Variants in INPP5D observed in about 807,000 individuals in gnomAD.
The protein encoded by INPP5D is phosphatidylinositol 3,4,5-trisphosphate 5-phosphatase 1.
INPP5D carries 33 observed loss-of-function variants against 122.9 expected under a neutral mutation model. That is an observed-to-expected ratio of 0.27 (90% CI 0.20 to 0.36). INPP5D has a LOEUF of 0.36. Among genes scored for constraint, INPP5D ranks in the 10% least tolerant of loss-of-function variants. The pLI is 1.00. For missense variants in INPP5D, 1,053 were observed against 1,412.7 expected (o/e 0.75, Z 4.08); for synonymous variants, 584 against 576.2 (o/e 1.01, Z -0.19).
chr2:233,186,093 C>T (rs888807077), intron 21 of INPP5D, among the ~76,000 whole-genome samples, 168 bp downstream of exon 21: 1 of 152,148 alleles, frequency 6.6e-6, no homozygotes, highest in South Asian at 2.1e-4. Flanking sequence ...CAAGGTGGTT[C>T]GTAACACACT....
At position 233,195,280 on chromosome 2, in the gene INPP5D, C is replaced by A. The variant is rs895822961; in HGVS notation, c.2597-119C>A. ...TCAGAATCTTGCTTAACTCACCTCT[C>A]CAGGTACTCACTATTCACTGTGCAG... is the stretch of plus-strand genomic sequence containing the variant. On this transcript the variant is annotated intron_variant, in intron 23 of 26. Coordinates refer to ENST00000445964, the MANE Select transcript of INPP5D (RefSeq NM_001017915.3). 9 of 1,491,530 alleles carry A rather than the reference C, an allele frequency of 6.0e-6. No homozygotes were observed. The African/African-American group carries it at 1.1e-4, about 18-fold the overall frequency. The allele number at this position is 1,491,530 out of a possible 1,614,324, so 92.4% of individuals were successfully genotyped here. A position where few individuals can be genotyped will look rare whatever the true frequency, so the allele number is the denominator to read the frequency against.
At chr2:233,167,734 G>A (rs949036150) in intron 13 of INPP5D, among the ~76,000 whole-genome samples, 5 of 152,162 alleles carry the variant, frequency 3.3e-5, no homozygotes, top group South Asian at 2.1e-4. Context: ...GCCGGGTGCC[G>A]TGGCTCACGC....
Position 233,145,061 on chromosome 2 carries a change from T to C in INPP5D, c.754-1101T>C, listed in dbSNP as rs931222990. On this transcript the variant is annotated intron_variant, in intron 6 of 26. Coordinates refer to ENST00000445964, the MANE Select transcript of INPP5D (RefSeq NM_001017915.3). ...TATTCACATTAGCCATACATGTGTC[T>C]GATTTTCTCATTCCACTTCTTATTN... is the stretch of plus-strand genomic sequence containing the variant. Among the ~76,000 whole-genome samples the C allele has an allele frequency of 6.9e-3, 1,049 of 152,258 alleles. 15 individuals carry two copies. Among genetic ancestry groups the C allele is most frequent in the African/African-American group, 0.024 (1,010 of 41,502 alleles).
chr2:233,144,773 T>C (rs1223756778), intron 6 of INPP5D, among the ~76,000 whole-genome samples: 1 of 151,754 alleles, frequency 6.6e-6, no homozygotes, highest in African/African-American at 2.4e-5. Context: ...GTAGTGATGG[T>C]GGTGTTGGTG....
intron 11 of INPP5D, among the ~76,000 whole-genome samples, chr2:233,163,116 T>C (rs1392052443): frequency 6.6e-6 from 1 of 152,210 alleles, no homozygotes; most frequent in Non-Finnish European, 1.5e-5. Context: ...GCTCATCTCT[T>C]TGAGGAACAA....
intron 1 of INPP5D, among the ~76,000 whole-genome samples, chr2:233,065,951 TAAAATTATTA>T (rs1691213716): frequency 6.6e-6 from 1 of 150,400 alleles, no homozygotes; most frequent in African/African-American, 2.5e-5. Context: ...GGCCTTTTTT[TAAAATTATTA>T]TTATTTTATT....
chr2:233,063,714 G>A (rs376745060), intron 1 of INPP5D, among the ~76,000 whole-genome samples: 1 of 152,256 alleles, frequency 6.6e-6, no homozygotes. Context: ...GCTCCATCTC[G>A]GGGCACAGAC....
At chr2:233,068,532 T>G (rs1008862698) in intron 1 of INPP5D, among the ~76,000 whole-genome samples, 1 of 151,652 alleles carries the variant, frequency 6.6e-6, no homozygotes, top group Non-Finnish European at 1.5e-5. Flanking sequence ...GAGGTGGAGG[T>G]TGCAGTGAGC....
rs1195476045 is a variant in INPP5D, at chr2:233,207,620, C to G, written c.*912C>G. On this transcript the variant is annotated 3_prime_UTR_variant, in exon 27 of 27. Coordinates refer to ENST00000445964, the MANE Select transcript of INPP5D (RefSeq NM_001017915.3). The surrounding 1 kb of genome is among the most constrained non-coding windows in gnomAD (Gnocchi z 4.6). Reference sequence around the variant, plus strand: ...GTAGAAGAGTCTTTGCTGTTGCTCCCGAAAGCCGTGCTCTCCAGCCTGGCT... The same window carrying G: ...GTAGAAGAGTCTTTGCTGTTGCTCCGGAAAGCCGTGCTCTCCAGCCTGGCT... 7 of 152,356 alleles carry G rather than the reference C, an allele frequency of 4.6e-5. No homozygotes were observed. Among genetic ancestry groups the G allele is most frequent in the Non-Finnish European group, 1.0e-4 (7 of 68,054 alleles). The allele number at this position is 152,356 out of a possible 1,614,324, so 9.4% of individuals were successfully genotyped here.
At chr2:233,156,749 A>G (rs979060638) in intron 9 of INPP5D, among the ~76,000 whole-genome samples, 1 of 152,152 alleles carries the variant, frequency 6.6e-6, no homozygotes, top group Non-Finnish European at 1.5e-5. Flanking sequence ...GACACCCTCT[A>G]CCTGGCAGGT....
intron 2 of INPP5D, among the ~76,000 whole-genome samples, chr2:233,116,075 G>T (rs1001276648): frequency 6.6e-6 from 1 of 152,024 alleles, no homozygotes; most frequent in Non-Finnish European, 1.5e-5. Flanking sequence ...TTCACAATCT[G>T]AACTAACTCC....
intron 21 of INPP5D, among the ~76,000 whole-genome samples, chr2:233,187,800 C>T (rs1230637785): frequency 6.6e-6 from 1 of 152,200 alleles, no homozygotes; most frequent in Non-Finnish European, 1.5e-5. Flanking sequence ...TTCTGCCTCA[C>T]CCGGCCCAAG....
At chr2:233,200,652 C>T (rs192846085) in intron 25 of INPP5D, among the ~76,000 whole-genome samples, 3 of 152,166 alleles carry the variant, frequency 2.0e-5, no homozygotes, top group Non-Finnish European at 2.9e-5. Context: ...TCAAAATATG[C>T]GAGATATGCT....
At chr2:233,103,366 C>T (rs529478584) in intron 2 of INPP5D, among the ~76,000 whole-genome samples, 2 of 152,204 alleles carry the variant, frequency 1.3e-5, no homozygotes, top group Non-Finnish European at 2.9e-5. Context: ...GATTATTCTC[C>T]ACAATGGCTG....
intron 2 of INPP5D, among the ~76,000 whole-genome samples, chr2:233,083,806 T>A (rs1691755123): frequency 1.3e-5 from 2 of 152,188 alleles, no homozygotes; most frequent in South Asian, 4.1e-4. Context: ...CATAAATGGC[T>A]GTCTCAAACC....
intron 1 of INPP5D, among the ~76,000 whole-genome samples, chr2:233,073,802 C>G (rs972433437): frequency 1.3e-5 from 2 of 152,034 alleles, no homozygotes; most frequent in African/African-American, 4.8e-5. Flanking sequence ...TTTCCTCGTT[C>G]ACTTTCTCCA....
At chr2:233,172,131 C>T (rs1460945104) in intron 17 of INPP5D, among the ~76,000 whole-genome samples, 1 of 152,266 alleles carries the variant, frequency 6.6e-6, no homozygotes, top group Non-Finnish European at 1.5e-5. Flanking sequence ...TGGGACACCC[C>T]ATTCCGCAGG....
intron 20 of INPP5D, among the ~76,000 whole-genome samples, chr2:233,185,594 G>A (rs557190209): frequency 6.6e-6 from 1 of 151,650 alleles, no homozygotes; most frequent in East Asian, 1.9e-4. Flanking sequence ...AACTGAAAAG[G>A]AGGGGGAATC....
At chr2:233,200,490 G>A (rs1269191027) in intron 25 of INPP5D, among the ~76,000 whole-genome samples, 1 of 152,096 alleles carries the variant, frequency 6.6e-6, no homozygotes, top group Non-Finnish European at 1.5e-5. Context: ...CTTTTTCCAT[G>A]AGGACTTGCG....
Sources: allele counts gnomAD v4.1 joint callset (sites outside exome capture counted in the v4.1 genomes callset), GRCh38; gene constraint gnomAD v4.1.1; non-coding constraint Gnocchi (gnomAD v3.1); transcripts MANE v1.5; gene names NCBI Gene and HGNC (gene_info 2026-07-23, HGNC 2026-07-21).